Variants in TBC1D5 observed in about 807,000 individuals in gnomAD.
TBC1D5 encodes the protein TBC1 domain family member 5, also known as TBC1 domain family, member 5.
TBC1D5 carries 75 observed loss-of-function variants against 100.3 expected under a neutral mutation model. The observed-to-expected ratio is 0.75, with a 90% CI of 0.62 to 0.91. The LOEUF is 0.91. TBC1D5 is among the 40% of genes least tolerant of loss of function. The pLI is 0.00. For synonymous variants in TBC1D5, 323 were observed against 325.6 expected (o/e 0.99, Z 0.09); for missense variants, 910 against 942.4 (o/e 0.97, Z 0.45).
At chr3:17,470,488 T>G (rs923154403) in intron 3 of TBC1D5, among the ~76,000 whole-genome samples, 1 of 152,352 alleles carries the variant, frequency 6.6e-6, no homozygotes, top group East Asian at 1.9e-4. Flanking sequence ...AATGATGCAG[T>G]ATATCTATAT....
At chr3:17,694,594 G>T (rs1409294963) in intron 1 of TBC1D5, among the ~76,000 whole-genome samples, 1 of 152,170 alleles carries the variant, frequency 6.6e-6, no homozygotes, top group South Asian at 2.1e-4. Context: ...ATATGTGACT[G>T]TGTGAAAAGA....
At chr3:17,673,311 C>CTTTTTTTTTTTTT (rs374496313) in intron 1 of TBC1D5, among the ~76,000 whole-genome samples, 4 of 125,976 alleles carry the variant, frequency 3.2e-5, no homozygotes, top group East Asian at 2.3e-4. Flanking sequence ...CTTTTCTTTT[C>CTTTTTTTTTTTTT]TTTTTTTTTT....
chr3:17,684,062 T>G, intron 1 of TBC1D5, among the ~76,000 whole-genome samples: 1 of 152,050 alleles, frequency 6.6e-6, no homozygotes, highest in Non-Finnish European at 1.5e-5. Flanking sequence ...TATTCAATAC[T>G]GGAGAAGGAA....
intron 13 of TBC1D5, among the ~76,000 whole-genome samples, chr3:17,335,949 T>TCTTCCTATG: frequency 6.6e-6 from 1 of 152,264 alleles, no homozygotes; most frequent in South Asian, 2.1e-4. Context: ...TCTATGACTT[T>TCTTCCTATG]CTTCCTATGC....
intron 2 of TBC1D5, among the ~76,000 whole-genome samples, chr3:17,565,747 T>C (rs913015327): frequency 1.3e-5 from 2 of 152,092 alleles, no homozygotes; most frequent in Non-Finnish European, 2.9e-5. Context: ...TGTTCTTCTT[T>C]TGAAAATTAG....
chr3:17,535,756 A>G (rs2153403229), intron 2 of TBC1D5, among the ~76,000 whole-genome samples: 1 of 152,266 alleles, frequency 6.6e-6, no homozygotes, highest in African/African-American at 2.4e-5. Context: ...CACACACATA[A>G]AAAATCCAGT....
At chr3:17,603,048 T>C (rs1224688804) in intron 2 of TBC1D5, among the ~76,000 whole-genome samples, 6 of 152,010 alleles carry the variant, frequency 3.9e-5, no homozygotes, top group Non-Finnish European at 8.8e-5. Flanking sequence ...CATTAAATAA[T>C]AGCAAACTTC....
At chr3:17,649,554 A>G (rs2065337874) in intron 1 of TBC1D5, among the ~76,000 whole-genome samples, 1 of 152,232 alleles carries the variant, frequency 6.6e-6, no homozygotes, top group Admixed American at 6.5e-5. Context: ...GCTCATTATC[A>G]CTGGTCATTA....
exon 18 of TBC1D5, chr3:17,214,259 C>T: frequency 1.9e-6 from 3 of 1,613,408 alleles, no homozygotes; most frequent in South Asian, 1.1e-5. Flanking sequence ...TGAGATGTTG[C>T]TAAAAAAGGA....
chr3:17,585,325 T>C (rs2096726279), intron 2 of TBC1D5, among the ~76,000 whole-genome samples: 1 of 152,170 alleles, frequency 6.6e-6, no homozygotes, highest in African/African-American at 2.4e-5. Flanking sequence ...CAAGAATGAT[T>C]TGAGGGCATC....
At chr3:17,546,306 T>C (rs2096414143) in intron 2 of TBC1D5, among the ~76,000 whole-genome samples, 1 of 152,202 alleles carries the variant, frequency 6.6e-6, no homozygotes, top group Non-Finnish European at 1.5e-5. Context: ...GGTGCTTATA[T>C]TGTACACAAC....
intron 1 of TBC1D5, among the ~76,000 whole-genome samples, chr3:17,721,520 A>G (rs1203058293): frequency 1.3e-5 from 2 of 151,974 alleles, no homozygotes; most frequent in African/African-American, 4.8e-5. Context: ...CTTTTTAAAT[A>G]AAGTCACTAA....
intron 18 of TBC1D5, among the ~76,000 whole-genome samples, chr3:17,203,493 T>A (rs2071748673): frequency 6.6e-6 from 1 of 152,178 alleles, no homozygotes; most frequent in Admixed American, 6.5e-5. Flanking sequence ...GAGAAGGACA[T>A]GAGATTTGGG....
rs189109302 is a variant in TBC1D5 at position 17,395,124 on chromosome 3, T to C, written c.509+8057A>G. On this transcript the variant is annotated intron_variant, in intron 8 of 21. Transcript: ENST00000253692. Reference sequence around the variant, plus strand: ...CGGTTTGGGATGACAGGATATAAGGTTGGGAGAAGGCAGGTGTGGCTGCAG... The same window carrying C: ...CGGTTTGGGATGACAGGATATAAGGCTGGGAGAAGGCAGGTGTGGCTGCAG... Among the ~76,000 whole-genome samples the C allele has an allele frequency of 6.8e-4, 103 of 151,852 alleles. 1 individual carries two copies. Among genetic ancestry groups the C allele is most frequent in the African/African-American group, 1.6e-3 (66 of 41,436 alleles).
intron 19 of TBC1D5, among the ~76,000 whole-genome samples, chr3:17,177,204 A>G (rs962096958): frequency 2.6e-5 from 4 of 152,218 alleles, no homozygotes; most frequent in African/African-American, 7.2e-5. Context: ...GGAAAGCAAA[A>G]TGATGAAAGT....
chr3:17,296,871 G>T (rs558372960), intron 14 of TBC1D5, among the ~76,000 whole-genome samples: 1 of 152,282 alleles, frequency 6.6e-6, no homozygotes, highest in African/African-American at 2.4e-5. Context: ...TCACTTTTAG[G>T]AAAGAGGACA....
At chr3:17,579,751 G>A (rs985301765) in intron 2 of TBC1D5, among the ~76,000 whole-genome samples, 2 of 152,082 alleles carry the variant, frequency 1.3e-5, no homozygotes, top group Non-Finnish European at 2.9e-5. Context: ...TCTCCAGTTA[G>A]CTGAGTACCT....
At chr3:17,557,945 G>C (rs75049070) in intron 2 of TBC1D5, among the ~76,000 whole-genome samples, 1 of 152,118 alleles carries the variant, frequency 6.6e-6, no homozygotes. Context: ...GCACAATCAT[G>C]TTATGAACAC....
chr3:17,700,864 A>G (rs965972578), intron 1 of TBC1D5, among the ~76,000 whole-genome samples: 4 of 152,110 alleles, frequency 2.6e-5, no homozygotes, highest in Non-Finnish European at 4.4e-5. Flanking sequence ...AAATAGGAAC[A>G]CTTTTACACT....
Sources: allele counts gnomAD v4.1 joint callset (sites outside exome capture counted in the v4.1 genomes callset), GRCh38; gene constraint gnomAD v4.1.1; transcripts MANE v1.5; gene names NCBI Gene and HGNC (gene_info 2026-07-23, HGNC 2026-07-21).